DLG2: variants seen among roughly 807,000 people sequenced by gnomAD.
DLG2 encodes discs large MAGUK scaffold protein 2.
A neutral mutation model predicts 132.5 loss-of-function variants in DLG2; 45 were observed. The ratio of observed to expected loss-of-function variants is 0.34; its 90% confidence interval spans 0.27 to 0.44. DLG2 has a LOEUF of 0.44. DLG2 is among the 20% of genes least tolerant of loss of function. The pLI is 1.00. For missense variants in DLG2, 1,045 were observed against 1,196.9 expected, an observed-to-expected ratio of 0.87 and a Z score of 1.87; for synonymous variants, 424 against 419.6, an observed-to-expected ratio of 1.01 and a Z score of -0.13.
intron 18 of DLG2, among the ~76,000 whole-genome samples, chr11:83,754,301 A>G (rs1449009663): frequency 6.6e-6 from 1 of 151,210 alleles, no homozygotes; most frequent in Non-Finnish European, 1.5e-5. Context: ...AGTATCTACT[A>G]TTGTATAAAT....
intron 8 of DLG2, among the ~76,000 whole-genome samples, chr11:84,250,230 T>C (rs935617925): frequency 6.6e-6 from 1 of 152,176 alleles, no homozygotes; most frequent in Non-Finnish European, 1.5e-5. Context: ...CAAGTGGCAG[T>C]TGCTCTCTTT....
At chr11:83,465,494 T>G (rs2090850739) in intron 26 of DLG2, among the ~76,000 whole-genome samples, 3 of 152,140 alleles carry the variant, frequency 2.0e-5, no homozygotes, top group South Asian at 4.1e-4. Context: ...AACACTATGG[T>G]CTTGAGGCCC....
chr11:83,565,314 A>G (rs1386724649), intron 19 of DLG2, among the ~76,000 whole-genome samples: 3 of 152,214 alleles, frequency 2.0e-5, no homozygotes, highest in Non-Finnish European at 4.4e-5. Flanking sequence ...CAAAAACAAT[A>G]TATCTTCTCT....
intron 3 of DLG2, among the ~76,000 whole-genome samples, chr11:85,434,421 C>A (rs1315958323): frequency 6.7e-6 from 1 of 150,238 alleles, no homozygotes; most frequent in Non-Finnish European, 1.5e-5. Context: ...AAAAAATAGA[C>A]CACTAACAGA....
At chr11:84,225,243 G>T (rs1484057031) in intron 8 of DLG2, among the ~76,000 whole-genome samples, 1 of 152,144 alleles carries the variant, frequency 6.6e-6, no homozygotes, top group Non-Finnish European at 1.5e-5. Context: ...TATTTGAATA[G>T]CATTTGAGAG....
chr11:84,529,015 G>T (rs146053173), intron 7 of DLG2, among the ~76,000 whole-genome samples: 1 of 152,258 alleles, frequency 6.6e-6, no homozygotes, highest in Non-Finnish European at 1.5e-5. Context: ...AAATCAGCCA[G>T]GCTGGGAATA....
intron 6 of DLG2, among the ~76,000 whole-genome samples, chr11:84,695,073 T>C (rs988626922): frequency 6.6e-6 from 1 of 151,550 alleles, no homozygotes; most frequent in South Asian, 2.1e-4. Context: ...TAAAAAAATA[T>C]GCTTCGGTAA....
At chr11:84,993,621 G>A (rs2057354846) in intron 6 of DLG2, among the ~76,000 whole-genome samples, 1 of 152,192 alleles carries the variant, frequency 6.6e-6, no homozygotes, top group African/African-American at 2.4e-5. Context: ...CTGTCGGGGA[G>A]GAGGGTCAGC....
intron 21 of DLG2, among the ~76,000 whole-genome samples, chr11:83,523,610 T>C (rs2095536731): frequency 6.6e-6 from 1 of 152,200 alleles, no homozygotes; most frequent in African/African-American, 2.4e-5. Flanking sequence ...AATATTTACC[T>C]CACAGGGTTA....
intron 18 of DLG2, among the ~76,000 whole-genome samples, chr11:83,723,429 G>A (rs2089217865): frequency 1.3e-5 from 2 of 152,030 alleles, no homozygotes; most frequent in African/African-American, 4.8e-5. Flanking sequence ...AACAACAAAT[G>A]AGGTGAATTT....
intron 27 of DLG2, chr11:83,461,689 A>ATAGTT (rs1012844088): frequency 4.0e-6 from 1 of 247,512 alleles, no homozygotes; most frequent in African/African-American, 2.2e-5. Context: ...TATCAGGGAG[A>ATAGTT]TAGTTTAATG....
rs118183078 is a variant in DLG2 at position 85,355,460 on chromosome 11, C to A, written c.41-70095G>T. 1.4e-4 allele frequency among the ~76,000 whole-genome samples: 22 copies of A among 152,082 alleles called. No homozygotes were observed. The East Asian group carries it at 4.1e-3, about 28-fold the overall frequency. On this transcript the variant is annotated intron_variant, in intron 3 of 27. Coordinates refer to ENST00000376104, the MANE Select transcript of DLG2 (RefSeq NM_001142699.3). ...ATTTAATATATTAAAGAATACTTAT[C>A]AAGATTCTTCCTAAATTTTGATTAG... is the stretch of plus-strand genomic sequence containing the variant.
intron 6 of DLG2, among the ~76,000 whole-genome samples, chr11:84,604,058 A>T (rs2099581267): frequency 6.6e-6 from 1 of 151,970 alleles, no homozygotes; most frequent in African/African-American, 2.4e-5. Flanking sequence ...CTACTAATTT[A>T]TCCTTAAATT....
chr11:84,971,184 TA>T (rs756582949), intron 6 of DLG2, among the ~76,000 whole-genome samples: 6 of 152,140 alleles, frequency 3.9e-5, no homozygotes, highest in Non-Finnish European at 8.8e-5. Context: ...CACTTTTACA[TA>T]CAATAAACAT....
chr11:84,963,340 A>G (rs1221616301), intron 6 of DLG2, among the ~76,000 whole-genome samples: 2 of 152,172 alleles, frequency 1.3e-5, no homozygotes, highest in Non-Finnish European at 2.9e-5. Context: ...GTAATTTCAG[A>G]ACAAAGACAA....
intron 17 of DLG2, among the ~76,000 whole-genome samples, chr11:83,825,659 G>A (rs1423920641): frequency 6.6e-6 from 1 of 152,132 alleles, no homozygotes; most frequent in African/African-American, 2.4e-5. Context: ...ACAAGATGGA[G>A]GTAGGAGGGA....
At chr11:83,748,445 T>C (rs1400076505) in intron 18 of DLG2, among the ~76,000 whole-genome samples, 1 of 152,214 alleles carries the variant, frequency 6.6e-6, no homozygotes, top group Non-Finnish European at 1.5e-5. Context: ...CTTACTCTAA[T>C]AAGCCTGCTT....
chr11:84,009,415 A>C (rs529785765), intron 11 of DLG2, among the ~76,000 whole-genome samples: 4 of 152,112 alleles, frequency 2.6e-5, no homozygotes, highest in Non-Finnish European at 5.9e-5. Context: ...TCACATACTA[A>C]AATGAGCATA....
chr11:84,145,185 T>C (rs947096478), intron 9 of DLG2, among the ~76,000 whole-genome samples: 1 of 152,220 alleles, frequency 6.6e-6, no homozygotes, highest in Non-Finnish European at 1.5e-5. Flanking sequence ...AGTCTTTCCA[T>C]TGCAGATTTT....
Sources: allele counts gnomAD v4.1 joint callset (sites outside exome capture counted in the v4.1 genomes callset), GRCh38; gene constraint gnomAD v4.1.1; transcripts MANE v1.5; gene names NCBI Gene and HGNC (gene_info 2026-07-23, HGNC 2026-07-21).